The following DPP6 variants were observed in gnomAD, a reference collection of about 807,000 sequenced individuals.
DPP6 encodes dipeptidyl peptidase like 6.
Under a neutral mutation model 122.6 loss-of-function variants are expected in DPP6, and 69 were observed. The ratio of observed to expected loss-of-function variants is 0.56; its 90% CI spans 0.46 to 0.69. DPP6 has a LOEUF of 0.69. DPP6 is among the 30% of genes least tolerant of loss of function. The probability of loss-of-function intolerance (pLI) is 0.00; values close to 1 mark genes in which losing one functional copy is unlikely to be tolerated. For synonymous variants in DPP6, 418 were observed against 433.1 expected (o/e 0.97, Z 0.43); for missense variants, 928 against 1,116.9 (o/e 0.83, Z 2.41).
chr7:154,085,809 C>T (rs2150537583), intron 1 of DPP6, among the ~76,000 whole-genome samples: 1 of 152,296 alleles, frequency 6.6e-6, no homozygotes, highest in South Asian at 2.1e-4. Flanking sequence ...CTCACTGCAA[C>T]CTCTGCCTTC....
intron 16 of DPP6, among the ~76,000 whole-genome samples, chr7:154,829,683 G>A (rs1458902443): frequency 2.0e-5 from 3 of 152,142 alleles, no homozygotes; most frequent in African/African-American, 4.8e-5. Flanking sequence ...GGCATCATAC[G>A]CAAGAGCATC....
chr7:154,868,054 C>T lies in DPP6; in HGVS notation c.1774C>T (p.Pro592Ser). 6.2e-7 allele frequency: 1 copy of T among 1,609,368 alleles called. No individual in the cohort carries two copies. Among genetic ancestry groups the T allele is most frequent in the South Asian group, 1.1e-5 (1 of 89,450 alleles). ...VKKAINDRQM[P>S]KVEYRDIEID... The stretch of plus-strand genomic sequence containing the variant: ...GAAGGCCATAAATGACCGACAGATG[C>T]CTAAAGTGGAATACAGGGACATTGA... The change falls in exon 18 of 26, where the codon CCT becomes TCT. Residue 592 changes from proline to serine, a missense_variant. Coordinates refer to ENST00000377770, the MANE Select transcript of DPP6 (RefSeq NM_130797.4).
intron 1 of DPP6, among the ~76,000 whole-genome samples, chr7:154,292,497 C>T (rs1399132461): frequency 1.3e-5 from 2 of 152,304 alleles, no homozygotes; most frequent in East Asian, 1.9e-4. Context: ...TTCAGATGTG[C>T]TTTTTCCCAT....
chr7:154,404,882 A>T (rs1264936334), intron 1 of DPP6, among the ~76,000 whole-genome samples: 1 of 152,230 alleles, frequency 6.6e-6, no homozygotes, highest in East Asian at 1.9e-4. Context: ...TTACAAAAAA[A>T]AATGCACCAG....
chr7:154,090,351 A>G (rs563848389), intron 1 of DPP6, among the ~76,000 whole-genome samples: 10 of 152,312 alleles, frequency 6.6e-5, no homozygotes, highest in African/African-American at 2.2e-4. Flanking sequence ...TTGGTCCACA[A>G]ACAAAGGTTC....
intron 7 of DPP6, among the ~76,000 whole-genome samples, chr7:154,669,895 C>T (rs1415063340): frequency 6.6e-6 from 1 of 151,760 alleles, no homozygotes. Flanking sequence ...GTTTTGCTCT[C>T]GTTGCCCAGG....
At chr7:153,956,960 T>TC (rs1701391397) in intron 1 of DPP6, among the ~76,000 whole-genome samples, 1 of 151,970 alleles carries the variant, frequency 6.6e-6, no homozygotes, top group South Asian at 2.1e-4. Context: ...TAAAAAAAAT[T>TC]CCGAAACCCA....
chr7:153,856,004 C>T, the DPP6 span, among the ~76,000 whole-genome samples: 1 of 152,282 alleles, frequency 6.6e-6, no homozygotes, highest in Admixed American at 6.5e-5. Context: ...CCAACAGTGT[C>T]CCCCAAGTCA....
At chr7:154,564,078 G>A (rs1045671771) in intron 4 of DPP6, among the ~76,000 whole-genome samples, 7 of 152,092 alleles carry the variant, frequency 4.6e-5, no homozygotes, top group South Asian at 4.2e-4. Context: ...ATGAGTGTCC[G>A]GGAAGCCAGG....
At chr7:154,528,280 C>G (rs2055017) in intron 3 of DPP6, among the ~76,000 whole-genome samples, 1 of 152,026 alleles carries the variant, frequency 6.6e-6, no homozygotes, top group African/African-American at 2.4e-5. Flanking sequence ...ATCCATATAG[C>G]GTTAAAATGC....
At chr7:154,593,213 C>A (rs1186378862) in intron 5 of DPP6, among the ~76,000 whole-genome samples, 1 of 152,164 alleles carries the variant, frequency 6.6e-6, no homozygotes, top group Non-Finnish European at 1.5e-5. Context: ...TGCAGTTTAC[C>A]GCACTCTGTG....
At chr7:153,774,338 A>G in the DPP6 span, among the ~76,000 whole-genome samples, 1 of 152,210 alleles carries the variant, frequency 6.6e-6, no homozygotes, top group Non-Finnish European at 1.5e-5. Context: ...CATTGGCAAG[A>G]GATTGCAACA....
At chr7:154,341,309 CCTT>C (rs1453068612) in intron 1 of DPP6, among the ~76,000 whole-genome samples, 9 of 152,068 alleles carry the variant, frequency 5.9e-5, no homozygotes, top group Admixed American at 1.3e-4. Flanking sequence ...CTGGCTCTGT[CCTT>C]CTGACATCTG....
At chr7:154,531,295 G>A (rs990798815) in intron 3 of DPP6, among the ~76,000 whole-genome samples, 15 of 152,054 alleles carry the variant, frequency 9.9e-5, no homozygotes, top group Non-Finnish European at 1.6e-4. Flanking sequence ...AAAATAATAC[G>A]CTCTGGGAAA....
intron 6 of DPP6, among the ~76,000 whole-genome samples, chr7:154,658,245 T>G (rs927640436): frequency 4.6e-5 from 7 of 152,218 alleles, no homozygotes; most frequent in African/African-American, 1.7e-4. Flanking sequence ...TAATGCAAGA[T>G]GTTTGTAATT....
At chr7:154,575,442 G>GTA (rs1360941897) in intron 5 of DPP6, among the ~76,000 whole-genome samples, 3 of 104,742 alleles carry the variant, frequency 2.9e-5, no homozygotes, top group African/African-American at 8.5e-5. Flanking sequence ...TATGTGTGTG[G>GTA]TGTGTGTATG....
rs551513708 is a variant in DPP6, at chr7:154,821,245, C to T, written c.1666+14133C>T. 7.7e-4 allele frequency among the ~76,000 whole-genome samples: 118 copies of T among 152,270 alleles called. 1 individual carries two copies. Among genetic ancestry groups the T allele is most frequent in the African/African-American group, 2.7e-3 (111 of 41,546 alleles). On this transcript the variant is annotated intron_variant, in intron 16 of 25. Transcript: ENST00000377770. This position sits in a 1 kb window ranked among gnomAD's most constrained non-coding sequence, Gnocchi z 4.2. ...CATATGTGGGTAGGTCTTTATAGCACACATTTTTAATCTTTTTCCTGATGT... is the reference window on the plus strand; with the variant it reads ...CATATGTGGGTAGGTCTTTATAGCATACATTTTTAATCTTTTTCCTGATGT...
At chr7:154,082,439 G>C (rs1030935062) in intron 1 of DPP6, among the ~76,000 whole-genome samples, 1 of 152,040 alleles carries the variant, frequency 6.6e-6, no homozygotes, top group Non-Finnish European at 1.5e-5. Flanking sequence ...CGTGGCTTTT[G>C]GAGTAATACT....
At chr7:154,136,066 C>T (rs1795541192) in intron 1 of DPP6, among the ~76,000 whole-genome samples, 1 of 152,256 alleles carries the variant, frequency 6.6e-6, no homozygotes, top group African/African-American at 2.4e-5. Context: ...CACCCCAGAA[C>T]TCTGGAAGGT....
Sources: allele counts gnomAD v4.1 joint callset (sites outside exome capture counted in the v4.1 genomes callset), GRCh38; gene constraint gnomAD v4.1.1; non-coding constraint Gnocchi (gnomAD v3.1); transcripts MANE v1.5; gene names NCBI Gene and HGNC (gene_info 2026-07-23, HGNC 2026-07-21).